The following PDE4D variants were observed in gnomAD, a reference collection of about 807,000 sequenced individuals.
PDE4D encodes phosphodiesterase 4D.
PDE4D carries 24 observed loss-of-function variants against 87.4 expected under a neutral mutation model. That is an observed-to-expected ratio of 0.27 (90% CI 0.20 to 0.39). PDE4D has a LOEUF of 0.39. Among genes scored for constraint, PDE4D ranks in the 10% least tolerant of loss-of-function variants. The pLI is 1.00. For synonymous variants in PDE4D, 384 were observed against 383.2 expected (o/e 1.00, Z -0.02); for missense variants, 714 against 1,041.0 (o/e 0.69, Z 4.32).
chr5:59,950,438 C>T (rs1581875146), intron 3 of PDE4D, among the ~76,000 whole-genome samples: 2 of 151,928 alleles, frequency 1.3e-5, no homozygotes, highest in African/African-American at 4.8e-5. Flanking sequence ...CAGTAATATT[C>T]ATAAGTATTA....
chr5:60,484,999 C>T (rs1315735923), intron 1 of PDE4D, among the ~76,000 whole-genome samples: 1 of 152,098 alleles, frequency 6.6e-6, no homozygotes, highest in Non-Finnish European at 1.5e-5. Flanking sequence ...AGCGTGGTCC[C>T]GTTGACTCTA....
chr5:60,210,309 G>A (rs1188686142), intron 1 of PDE4D, among the ~76,000 whole-genome samples: 1 of 151,192 alleles, frequency 6.6e-6, no homozygotes, highest in Admixed American at 6.6e-5. Flanking sequence ...TCAAGCTTTT[G>A]ATTTTTTGAT....
rs1384178990 is a variant in PDE4D, at chr5:59,172,262, AT to A, written c.808+8332del. On this transcript the variant is annotated intron_variant, in intron 5 of 14. Coordinates refer to ENST00000340635, the MANE Select transcript of PDE4D (RefSeq NM_001104631.2). ...TGTATATAATATATAATAAATATAT[AT>A]TTATACAATTTATAAGAAATATATA... is the stretch of plus-strand genomic sequence containing the variant. Among the ~76,000 whole-genome samples, 6 of 122,844 alleles carry A rather than the reference AT, an allele frequency of 4.9e-5. No homozygotes were observed. The Admixed American group carries it at 5.1e-4, about 11-fold the overall frequency. 80.6% of individuals were successfully genotyped at this position (122,844 alleles called of 152,430 possible). A position where few individuals can be genotyped will look rare whatever the true frequency, so the allele number is the denominator to read the frequency against.
intron 1 of PDE4D, among the ~76,000 whole-genome samples, chr5:59,246,479 A>T (rs1422188680): frequency 6.6e-6 from 1 of 152,162 alleles, no homozygotes; most frequent in Non-Finnish European, 1.5e-5. Flanking sequence ...ACAATTATGT[A>T]TTAGGCCTTC....
intron 1 of PDE4D, among the ~76,000 whole-genome samples, chr5:59,548,236 T>C (rs1375812250): frequency 2.6e-5 from 4 of 152,190 alleles, no homozygotes; most frequent in African/African-American, 4.8e-5. Flanking sequence ...TAATACTGTA[T>C]TTCACCACAT....
At chr5:60,327,634 T>C (rs902017797) in intron 1 of PDE4D, among the ~76,000 whole-genome samples, 1 of 152,196 alleles carries the variant, frequency 6.6e-6, no homozygotes, top group East Asian at 1.9e-4. Context: ...GAAACGTGTA[T>C]GTGCGAGCCA....
intron 1 of PDE4D, among the ~76,000 whole-genome samples, chr5:59,330,851 G>C (rs73092916): frequency 0.018 from 2,703 of 152,180 alleles, 89 homozygotes; most frequent in African/African-American, 0.061. Context: ...TGGCTTCCTC[G>C]ACAGCCTCAT....
At chr5:59,644,702 G>C (rs931641402) in intron 1 of PDE4D, among the ~76,000 whole-genome samples, 1 of 152,104 alleles carries the variant, frequency 6.6e-6, no homozygotes, top group Non-Finnish European at 1.5e-5. Flanking sequence ...TAATGTAAAC[G>C]TGTGTATCTG....
At chr5:60,283,854 G>A (rs1459215642) in intron 1 of PDE4D, among the ~76,000 whole-genome samples, 3 of 152,098 alleles carry the variant, frequency 2.0e-5, no homozygotes, top group Non-Finnish European at 4.4e-5. Flanking sequence ...TGCAGAAAAG[G>A]GAAAGGCACA....
chr5:59,487,845 G>A (rs779023051), intron 1 of PDE4D, among the ~76,000 whole-genome samples: 6 of 152,112 alleles, frequency 3.9e-5, no homozygotes, highest in South Asian at 2.1e-4. Flanking sequence ...GTGAGATCCC[G>A]CATGTAACAA....
At chr5:59,332,306 T>G (rs2153577395) in intron 1 of PDE4D, among the ~76,000 whole-genome samples, 1 of 152,312 alleles carries the variant, frequency 6.6e-6, no homozygotes, top group African/African-American at 2.4e-5. Flanking sequence ...ATGTATATAC[T>G]TTATTGAATT....
chr5:60,306,902 G>C (rs1486048112), intron 1 of PDE4D, among the ~76,000 whole-genome samples: 1 of 152,032 alleles, frequency 6.6e-6, no homozygotes, highest in African/African-American at 2.4e-5. Flanking sequence ...TAAGAAGTAA[G>C]TTATTTCAGA....
chr5:60,474,035 AT>A (rs1226928722), intron 1 of PDE4D, among the ~76,000 whole-genome samples: 5 of 139,066 alleles, frequency 3.6e-5, no homozygotes, highest in African/African-American at 1.0e-4. Flanking sequence ...CCCAGTTGGA[AT>A]TTTTTTATCT....
intron 2 of PDE4D, among the ~76,000 whole-genome samples, chr5:60,166,285 G>A (rs895967473): frequency 1.1e-4 from 16 of 152,056 alleles, no homozygotes; most frequent in Non-Finnish European, 2.1e-4. Flanking sequence ...TAGTAGAGAC[G>A]AGGTTTCCAT....
chr5:59,541,819 G>T (rs971974818), intron 1 of PDE4D, among the ~76,000 whole-genome samples: 3 of 152,136 alleles, frequency 2.0e-5, no homozygotes, highest in Non-Finnish European at 4.4e-5. Context: ...AAAGAATCCT[G>T]CCAGGGTGGG....
At chr5:60,344,329 A>G (rs1402290919) in intron 1 of PDE4D, among the ~76,000 whole-genome samples, 1 of 152,034 alleles carries the variant, frequency 6.6e-6, no homozygotes, top group Non-Finnish European at 1.5e-5. Flanking sequence ...TCAGTCAATA[A>G]CAATAGAGCT....
At chr5:59,068,664 G>A (rs963584594) in intron 5 of PDE4D, among the ~76,000 whole-genome samples, 4 of 152,156 alleles carry the variant, frequency 2.6e-5, no homozygotes, top group Admixed American at 2.6e-4. Context: ...AGATCAACAT[G>A]TAAGCACATG....
At chr5:59,358,185 C>A (rs1781682329) in intron 1 of PDE4D, among the ~76,000 whole-genome samples, 1 of 152,192 alleles carries the variant, frequency 6.6e-6, no homozygotes, top group South Asian at 2.1e-4. Context: ...CTACAGGTTT[C>A]ATATCAGCTT....
chr5:59,240,296 AAG>A (rs1244815898), intron 1 of PDE4D, among the ~76,000 whole-genome samples: 3 of 152,176 alleles, frequency 2.0e-5, no homozygotes, highest in Admixed American at 1.3e-4. Flanking sequence ...GTTTTTAAAA[AAG>A]AGCAATTTTC....
Sources: gnomAD v4.1 joint callset for allele counts (sites outside exome capture counted in the v4.1 genomes callset) on GRCh38, gnomAD v4.1.1 for gene constraint, MANE v1.5 for transcripts, NCBI Gene and HGNC (gene_info 2026-07-23, HGNC 2026-07-21) for gene names.